Variants in FER observed in about 807,000 individuals in gnomAD.
FER encodes FER tyrosine kinase.
In FER, 63 loss-of-function variants were observed where a neutral mutation model predicts 111.0. That is an observed-to-expected ratio of 0.57 (90% CI 0.46 to 0.70). FER has a LOEUF of 0.70. Among genes scored for constraint, FER ranks in the 30% least tolerant of loss-of-function variants. FER has a pLI of 0.00. For missense variants in FER, 914 were observed against 954.0 expected (o/e 0.96, Z 0.55); for synonymous variants, 327 against 313.9 (o/e 1.04, Z -0.44).
intron 17 of FER, among the ~76,000 whole-genome samples, chr5:109,105,275 TG>T (rs1748770165): frequency 1.4e-5 from 2 of 142,134 alleles, no homozygotes; most frequent in African/African-American, 2.6e-5. Context: ...TGTGTGTGTG[TG>T]TGTTTTGAGA....
chr5:109,049,367 T>C (rs1772431998), intron 16 of FER, among the ~76,000 whole-genome samples: 1 of 152,212 alleles, frequency 6.6e-6, no homozygotes, highest in Admixed American at 6.5e-5. Context: ...GGCAGAATCA[T>C]GTCCCTTGCA....
chr5:108,976,297 C>A (rs1206291011), intron 13 of FER, among the ~76,000 whole-genome samples: 1 of 152,190 alleles, frequency 6.6e-6, no homozygotes, highest in Non-Finnish European at 1.5e-5. Flanking sequence ...TCCCTCTTCT[C>A]ACTAGAATTA....
At chr5:108,876,699 C>T (rs1765123382) in intron 8 of FER, among the ~76,000 whole-genome samples, 1 of 152,210 alleles carries the variant, frequency 6.6e-6, no homozygotes, top group South Asian at 2.1e-4. Flanking sequence ...TCATGGATTG[C>T]TATTGGTATT....
At chr5:108,844,171 CAT>C (rs780023343) in intron 5 of FER, among the ~76,000 whole-genome samples, 8 of 150,264 alleles carry the variant, frequency 5.3e-5, no homozygotes, top group Admixed American at 1.3e-4. Context: ...TATGTGTGAA[CAT>C]ATATATATAG....
intron 3 of FER, among the ~76,000 whole-genome samples, chr5:108,799,846 CT>C (rs112192717): frequency 1.3e-3 from 185 of 138,866 alleles, no homozygotes; most frequent in South Asian, 1.6e-3. Context: ...CTTTTCTTTT[CT>C]TTTTTTTTTT....
chr5:109,011,561 T>G (rs1457724538), intron 13 of FER, among the ~76,000 whole-genome samples: 2 of 152,188 alleles, frequency 1.3e-5, no homozygotes, highest in African/African-American at 4.8e-5. Context: ...CTAGCCTCTT[T>G]GAGTTTTCCC....
intron 16 of FER, among the ~76,000 whole-genome samples, chr5:109,080,344 C>T (rs568929018): frequency 3.3e-5 from 5 of 151,910 alleles, no homozygotes; most frequent in Admixed American, 2.6e-4. Flanking sequence ...TGATGAAAGA[C>T]CTGGGTTGGA....
intron 2 of FER, 38 bp downstream of exon 2, chr5:108,768,276 C>A (rs1035157200): frequency 1.3e-5 from 2 of 152,044 alleles, no homozygotes; most frequent in South Asian, 2.1e-4. Context: ...GTTACTAAAC[C>A]GTTTTTTATT....
At chr5:109,100,668 G>T in intron 17 of FER, 149 bp downstream of exon 17, 1 of 733,796 alleles carries the variant, frequency 1.4e-6, no homozygotes. Context: ...TCTGCTAGTT[G>T]TTTATATAGT....
At chr5:108,887,113 T>G (rs1429644797) in intron 9 of FER, among the ~76,000 whole-genome samples, 1 of 151,738 alleles carries the variant, frequency 6.6e-6, no homozygotes, top group Non-Finnish European at 1.5e-5. Flanking sequence ...TTTGTTAGTT[T>G]CATGTACTGT....
At chr5:108,950,544 A>T (rs1365120821) in intron 11 of FER, among the ~76,000 whole-genome samples, 1 of 152,210 alleles carries the variant, frequency 6.6e-6, no homozygotes, top group South Asian at 2.1e-4. Context: ...AGACAGAACC[A>T]CTATTTTAAC....
chr5:109,015,036 A>G (rs1448653023), intron 13 of FER: 1 of 152,068 alleles, frequency 6.6e-6, no homozygotes, highest in African/African-American at 2.4e-5. Flanking sequence ...AAAGTATGGA[A>G]TTGGTGTCTT....
chr5:108,926,746 A>G (rs912509819), intron 10 of FER, among the ~76,000 whole-genome samples: 4 of 152,172 alleles, frequency 2.6e-5, no homozygotes, highest in African/African-American at 9.7e-5. Flanking sequence ...AGTCACACAT[A>G]CCTGAATTGA....
At chr5:109,105,944 G>A (rs934400505) in intron 17 of FER, among the ~76,000 whole-genome samples, 4 of 152,164 alleles carry the variant, frequency 2.6e-5, no homozygotes, top group East Asian at 1.9e-4. Context: ...AAACAATAGC[G>A]GTACTATTGT....
intron 17 of FER, among the ~76,000 whole-genome samples, chr5:109,133,859 T>C (rs764414210): frequency 6.6e-6 from 1 of 152,190 alleles, no homozygotes; most frequent in Non-Finnish European, 1.5e-5. Flanking sequence ...CTGATAGTTA[T>C]TAAAAATATA....
rs558085514 is a variant in FER, at chr5:108,994,736, C to T, written c.1656+35389C>T. 2.1e-4 allele frequency among the ~76,000 whole-genome samples: 32 copies of T among 152,198 alleles called. 1 individual carries two copies. The highest frequency in any genetic ancestry group is 7.7e-4 in the African/African-American group (32 of 41,516). On this transcript the variant is annotated intron_variant, in intron 13 of 19. Transcript: ENST00000281092. ...TTTTTATGATACTGATTATTCCTAT[C>T]CACGAGCATGGAATGTTTTTCCATT...
intron 16 of FER, among the ~76,000 whole-genome samples, chr5:109,070,177 G>C (rs1018156003): frequency 1.3e-5 from 2 of 151,514 alleles, no homozygotes; most frequent in African/African-American, 4.8e-5. Flanking sequence ...TGCAAGTCCA[G>C]AAATAGCTTT....
rs145381251 is a variant in FER at position 109,010,368 on chromosome 5, A to G, written c.1657-27054A>G. Among the ~76,000 whole-genome samples, 934 of 152,224 alleles carry G rather than the reference A, an allele frequency of 6.1e-3. 7 individuals carry two copies. The highest frequency in any genetic ancestry group is 0.022 in the African/African-American group (896 of 41,516). ...GAGACGGGGTTTGACCGTGTTAGCC[A>G]GGATGGTGTCGATCTCCTGACCTCG... is the stretch of plus-strand genomic sequence containing the variant. On this transcript the variant is annotated intron_variant, in intron 13 of 19. Transcript: ENST00000281092.
intron 4 of FER, among the ~76,000 whole-genome samples, chr5:108,834,571 G>A (rs548759079): frequency 3.3e-5 from 5 of 152,084 alleles, no homozygotes; most frequent in African/African-American, 7.2e-5. Flanking sequence ...GGTGGTGCAC[G>A]TCTGTAACCC....
Sources: allele counts gnomAD v4.1 joint callset (sites outside exome capture counted in the v4.1 genomes callset), GRCh38; gene constraint gnomAD v4.1.1; transcripts MANE v1.5; gene names NCBI Gene and HGNC (gene_info 2026-07-23, HGNC 2026-07-21).